Variants in ABTB2 observed in about 807,000 individuals in gnomAD.
ABTB2 encodes ankyrin repeat and BTB domain containing 2, also known as ankyrin repeat and BTB/POZ domain-containing protein 2.
ABTB2 carries 56 observed loss-of-function variants against 104.1 expected under a neutral mutation model. The observed-to-expected ratio is 0.54, with a 90% CI of 0.43 to 0.67. The LOEUF is 0.67. Ranked by LOEUF, ABTB2 falls within the 30% of genes least tolerant of loss-of-function variation. The pLI is 0.00. For missense variants in ABTB2, 1,279 were observed against 1,407.7 expected (o/e 0.91, Z 1.46); for synonymous variants, 606 against 608.2 (o/e 1.00, Z 0.05).
chr11:34,346,022 C>T (rs1855326844), intron 1 of ABTB2, among the ~76,000 whole-genome samples: 1 of 152,194 alleles, frequency 6.6e-6, no homozygotes. Flanking sequence ...AGCTATGTGA[C>T]TGTGAAGTAC....
intron 3 of ABTB2, among the ~76,000 whole-genome samples, chr11:34,194,710 G>A (rs893994818): frequency 6.6e-6 from 1 of 151,928 alleles, no homozygotes; most frequent in African/African-American, 2.4e-5. Flanking sequence ...GGGCGCCGTC[G>A]GGCTGTTGGC....
chr11:34,231,305 A>G (rs1198840865), intron 1 of ABTB2, among the ~76,000 whole-genome samples: 2 of 152,246 alleles, frequency 1.3e-5, no homozygotes, highest in African/African-American at 4.8e-5. Flanking sequence ...TGAAAAAATA[A>G]CTAGGGGAGA....
chr11:34,179,916 G>A (rs1031775929), intron 3 of ABTB2, among the ~76,000 whole-genome samples: 2 of 152,110 alleles, frequency 1.3e-5, no homozygotes, highest in Non-Finnish European at 2.9e-5. Flanking sequence ...TCAGCAAAAT[G>A]GTTATAAATA....
At chr11:34,334,016 GA>G (rs5790985) in intron 1 of ABTB2, among the ~76,000 whole-genome samples, 58,830 of 119,758 alleles carry the variant, frequency 0.49, 13,554 homozygotes, top group South Asian at 0.66. Flanking sequence ...AGCCACAGGT[GA>G]AAAAAAAAAA....
At chr11:34,282,341 T>C (rs1363862241) in intron 1 of ABTB2, among the ~76,000 whole-genome samples, 2 of 152,180 alleles carry the variant, frequency 1.3e-5, no homozygotes, top group Non-Finnish European at 2.9e-5. Flanking sequence ...AAAATGAACA[T>C]GTAGAAGAGC....
chr11:34,285,920 A>G (rs1854499822), intron 1 of ABTB2, among the ~76,000 whole-genome samples: 1 of 152,204 alleles, frequency 6.6e-6, no homozygotes, highest in Non-Finnish European at 1.5e-5. Context: ...TCCTGGGCCT[A>G]CTTGCACCTT....
At chr11:34,197,112 T>A (rs547406453) in intron 3 of ABTB2, among the ~76,000 whole-genome samples, 3 of 150,852 alleles carry the variant, frequency 2.0e-5, no homozygotes, top group Non-Finnish European at 4.4e-5. Context: ...AGTGGCCCCA[T>A]GCTGCATCAG....
chr11:34,307,737 C>T (rs1382253323), intron 1 of ABTB2, among the ~76,000 whole-genome samples: 8 of 149,872 alleles, frequency 5.3e-5, no homozygotes, highest in African/African-American at 9.8e-5. Context: ...CTCGCTCTGT[C>T]GCCCAGGCTG....
intron 3 of ABTB2, among the ~76,000 whole-genome samples, chr11:34,187,728 A>G (rs1430991773): frequency 1.3e-5 from 2 of 151,886 alleles, no homozygotes; most frequent in African/African-American, 4.8e-5. Context: ...TCCTAAAGTG[A>G]TCCTCCCACC....
chr11:34,270,399 T>C (rs374890479), intron 1 of ABTB2, among the ~76,000 whole-genome samples: 3 of 150,940 alleles, frequency 2.0e-5, no homozygotes, highest in African/African-American at 7.3e-5. Flanking sequence ...GAGTGCAGTG[T>C]CACGATCTCG....
intron 7 of ABTB2, 50 bp downstream of exon 7, chr11:34,167,209 A>C (rs1852812531): frequency 2.0e-6 from 3 of 1,523,030 alleles, no homozygotes; most frequent in Admixed American, 1.9e-5. Context: ...CTTGGGGCCC[A>C]GGTCACCTGG....
Position 34,161,134 on chromosome 11 carries a change from G to A in ABTB2, c.2219-53C>T, listed in dbSNP as rs552766755. ...TCACGCACCACAGCTGAGCGCTCCC[G>A]GCACAGACCACAGCCTTTTCTGGGC... On this transcript the variant is annotated intron_variant, in intron 10 of 16. Transcript: ENST00000435224. The A allele has an allele frequency of 4.3e-5, 65 of 1,504,874 alleles. No individual in the cohort carries two copies. The East Asian group carries it at 5.3e-4, about 12-fold the overall frequency. 93.2% of individuals were successfully genotyped at this position (1,504,874 alleles called of 1,614,324 possible).
rs1854067532 is a variant in ABTB2, at chr11:34,252,462, C to G, written c.884-47772G>C. Among the ~76,000 whole-genome samples the G allele has an allele frequency of 6.6e-6, 1 of 152,136 alleles. No homozygotes were observed. The highest frequency in any genetic ancestry group is 1.5e-5 in the Non-Finnish European group (1 of 68,022). On this transcript the variant is annotated intron_variant, in intron 1 of 16. Coordinates refer to ENST00000435224, the MANE Select transcript of ABTB2 (RefSeq NM_145804.3). This position sits in a 1 kb window ranked among gnomAD's most constrained non-coding sequence, Gnocchi z 5.5. ...GGAGAGTGCCATCTGGACATCATGA[C>G]CTCCCCACCACCGCTGGGCATGACC...
intron 1 of ABTB2, among the ~76,000 whole-genome samples, chr11:34,352,628 T>C (rs1350448657): frequency 6.6e-6 from 1 of 152,224 alleles, no homozygotes; most frequent in Non-Finnish European, 1.5e-5. Flanking sequence ...CTAAGATCTT[T>C]CAATCTATAG....
At chr11:34,259,909 A>G (rs1854168606) in intron 1 of ABTB2, among the ~76,000 whole-genome samples, 1 of 152,074 alleles carries the variant, frequency 6.6e-6, no homozygotes, top group Non-Finnish European at 1.5e-5. Context: ...GGCTCCAGCA[A>G]TCCTCCTACC....
chr11:34,157,333 T>C (rs1852642664), intron 14 of ABTB2, among the ~76,000 whole-genome samples: 1 of 152,218 alleles, frequency 6.6e-6, no homozygotes, highest in Admixed American at 6.5e-5. Context: ...GTGTGTGCTG[T>C]GGACCTGAAG....
At chr11:34,317,358 G>T (rs759350925) in intron 1 of ABTB2, among the ~76,000 whole-genome samples, 1 of 152,052 alleles carries the variant, frequency 6.6e-6, no homozygotes, top group East Asian at 1.9e-4. Context: ...GGGAGTTGGG[G>T]GTTTGTCTCC....
At chr11:34,322,420 C>A (rs931438979) in intron 1 of ABTB2, among the ~76,000 whole-genome samples, 5 of 151,890 alleles carry the variant, frequency 3.3e-5, no homozygotes, top group African/African-American at 1.2e-4. Context: ...TAATAAAATA[C>A]AAAAATTAGC....
At chr11:34,203,021 C>T (rs995635249) in intron 2 of ABTB2, among the ~76,000 whole-genome samples, 1 of 152,138 alleles carries the variant, frequency 6.6e-6, no homozygotes, top group African/African-American at 2.4e-5. Flanking sequence ...CCTCTAAATG[C>T]TCCTCCCTTA....
Sources: gnomAD v4.1 joint callset for allele counts (sites outside exome capture counted in the v4.1 genomes callset) on GRCh38, gnomAD v4.1.1 for gene constraint, Gnocchi (gnomAD v3.1) non-coding constraint, MANE v1.5 for transcripts, NCBI Gene and HGNC (gene_info 2026-07-23, HGNC 2026-07-21) for gene names.